Variants in GABPA observed in about 807,000 individuals in gnomAD.
GABPA encodes GA binding protein transcription factor subunit alpha, also known as GA-binding protein alpha chain.
Under a neutral mutation model 59.4 loss-of-function variants are expected in GABPA, and 4 were observed. The ratio of observed to expected loss-of-function variants is 0.07; its 90% CI spans 0.03 to 0.15. GABPA has a LOEUF of 0.15. GABPA is among the 10% of genes least tolerant of loss of function. GABPA has a pLI of 1.00. For synonymous variants in GABPA, 164 were observed against 183.1 expected (o/e 0.90, Z 0.84); for missense variants, 251 against 543.8 (o/e 0.46, Z 5.36).
intron 5 of GABPA, among the ~76,000 whole-genome samples, chr21:25,753,136 A>C (rs2035554508): frequency 6.6e-6 from 1 of 152,200 alleles, no homozygotes; most frequent in East Asian, 1.9e-4. Flanking sequence ...TGCTGGGCTT[A>C]ATTAAGATGG....
Position 25,758,072 on chromosome 21 carries a change from A to C in GABPA, c.616A>C (p.Ser206Arg), listed in dbSNP as rs1221479364. ...HWVVWVMKEF[S>R]MTDIDLTTLN... The stretch of plus-strand genomic sequence containing the variant: ...GGTGGTTTGGGTAATGAAGGAATTC[A>C]GCATGACCGATATAGACCTCACCAC... The change falls in exon 6 of 10, where the codon AGC (serine) becomes CGC (arginine). Residue 206 changes from serine to arginine, a missense_variant. This residue lies in a region of GABPA where 207 missense variants were observed against 366.7 expected (regional missense o/e 0.56). Transcript: ENST00000400075. 6.2e-7 allele frequency: 1 copy of C among 1,607,036 alleles called. No individual in the cohort carries two copies. The highest frequency in any genetic ancestry group is 8.5e-7 in the Non-Finnish European group (1 of 1,177,224).
chr21:25,759,029 C>T (rs71651619), intron 6 of GABPA, among the ~76,000 whole-genome samples: 2,769 of 152,052 alleles, frequency 0.018, 47 homozygotes, highest in South Asian at 0.041. Flanking sequence ...GAGACTGCGC[C>T]ACTACACTCC....
chr21:25,736,721 T>TG (rs1232207395), intron 1 of GABPA, among the ~76,000 whole-genome samples: 1 of 152,144 alleles, frequency 6.6e-6, no homozygotes, highest in African/African-American at 2.4e-5. Context: ...ACAGAAGAAT[T>TG]GGGGAAAAAA....
intron 1 of GABPA, among the ~76,000 whole-genome samples, chr21:25,741,248 C>G (rs1168688028): frequency 6.6e-6 from 1 of 152,114 alleles, no homozygotes; most frequent in Non-Finnish European, 1.5e-5. Flanking sequence ...CCACCTCAGC[C>G]TCCGAAGTAT....
In GABPA at chr21:25,745,195, A is replaced by G. The variant is rs1359307552; in HGVS notation, c.78-15A>G. Reference sequence around the variant, plus strand: ...AAAAAATGTAACTGTTAGCACTTACATCTTTAACATTTAGCATTGTAGAAC... The same window carrying G: ...AAAAAATGTAACTGTTAGCACTTACGTCTTTAACATTTAGCATTGTAGAAC... On this transcript the variant is annotated splice_polypyrimidine_tract_variant and intron_variant, in intron 2 of 9. Transcript: ENST00000400075. The G allele has an allele frequency of 2.5e-6, 4 of 1,611,224 alleles. No individual in the cohort carries two copies. The highest frequency in any genetic ancestry group is 1.7e-5 in the Admixed American group (1 of 59,498).
chr21:25,768,695 T>C (rs1374747523), intron 9 of GABPA, among the ~76,000 whole-genome samples: 1 of 151,606 alleles, frequency 6.6e-6, no homozygotes, highest in African/African-American at 2.4e-5. Flanking sequence ...TAGGCTCTTC[T>C]ACTGCTCTCA....
Position 25,764,070 on chromosome 21 carries a change from G to C in GABPA, c.803-140G>C, listed in dbSNP as rs182993358. 4.9e-6 allele frequency: 3 copies of C among 618,144 alleles called. No individual in the cohort carries two copies. The East Asian group carries it at 9.0e-5, about 18-fold the overall frequency. The allele number at this position is 618,144 out of a possible 1,614,324, so 38.3% of individuals were successfully genotyped here. On this transcript the variant is annotated intron_variant, in intron 7 of 9. Transcript: ENST00000400075. Reference sequence around the variant, plus strand: ...TTTTGTTATTTTGTTTGAAATTGTGGATTGAGGCTTTCTGTAGTGAAGTAC... The same window carrying C: ...TTTTGTTATTTTGTTTGAAATTGTGCATTGAGGCTTTCTGTAGTGAAGTAC...
intron 5 of GABPA, 115 bp downstream of exon 5, chr21:25,752,349 G>C: frequency 9.4e-7 from 1 of 1,068,466 alleles, no homozygotes; most frequent in Non-Finnish European, 1.3e-6. Context: ...GATGAATGTT[G>C]ATTTTCTGTA....
chr21:25,765,151 C>T (rs989669803), intron 9 of GABPA, among the ~76,000 whole-genome samples: 3 of 151,816 alleles, frequency 2.0e-5, no homozygotes, highest in African/African-American at 7.3e-5. Flanking sequence ...GAATATTGAC[C>T]CATTTTCTAC....
intron 1 of GABPA, among the ~76,000 whole-genome samples, chr21:25,738,465 T>A (rs968659578): frequency 6.6e-5 from 10 of 152,246 alleles, no homozygotes; most frequent in African/African-American, 2.4e-4. Flanking sequence ...CTTTCCATTC[T>A]GTAGCCTGTC....
intron 2 of GABPA, among the ~76,000 whole-genome samples, chr21:25,742,468 A>G (rs1275329999): frequency 6.6e-6 from 1 of 152,258 alleles, no homozygotes; most frequent in African/African-American, 2.4e-5. Flanking sequence ...TTGAGAGTAC[A>G]GTTGAGATTT....
intron 5 of GABPA, among the ~76,000 whole-genome samples, chr21:25,752,682 T>C (rs2035543663): frequency 6.6e-6 from 1 of 152,168 alleles, no homozygotes; most frequent in Non-Finnish European, 1.5e-5. Flanking sequence ...TGTGCAAAGC[T>C]TAGACCTGGG....
At chr21:25,746,969 A>G (rs1050980271) in intron 3 of GABPA, among the ~76,000 whole-genome samples, 2 of 152,236 alleles carry the variant, frequency 1.3e-5, no homozygotes, top group African/African-American at 2.4e-5. Flanking sequence ...CTATATGGGC[A>G]AGGTACGTTG....
At chr21:25,756,055 T>A (rs548877855) in intron 5 of GABPA, among the ~76,000 whole-genome samples, 30 of 152,350 alleles carry the variant, frequency 2.0e-4, no homozygotes, top group African/African-American at 7.2e-4. Context: ...ATTTTGCATC[T>A]TTTAAAAATT....
intron 5 of GABPA, among the ~76,000 whole-genome samples, chr21:25,752,704 G>A (rs540387760): frequency 4.2e-4 from 64 of 152,290 alleles, no homozygotes; most frequent in African/African-American, 1.4e-3. Context: ...GTATGCATGA[G>A]TAGTGAGAAA....
At chr21:25,762,228 A>T (rs555053547) in intron 6 of GABPA, 84 bp from the exon 7 acceptor site, 2 of 681,024 alleles carry the variant, frequency 2.9e-6, no homozygotes, top group African/African-American at 1.8e-5. Flanking sequence ...TAAAAGAACC[A>T]TGTTTATTAA....
chr21:25,763,150 C>G, intron 7 of GABPA: 3 of 505,010 alleles, frequency 5.9e-6, no homozygotes, highest in Non-Finnish European at 1.2e-5. Context: ...CCTCATGTTG[C>G]ATTTTCTCTT....
intron 5 of GABPA, among the ~76,000 whole-genome samples, chr21:25,752,607 GAA>G (rs1601130142): frequency 6.6e-6 from 1 of 152,162 alleles, no homozygotes; most frequent in Non-Finnish European, 1.5e-5. Flanking sequence ...AGGGAAAGCT[GAA>G]AAGAGTTTAT....
At chr21:25,741,700 T>G in intron 2 of GABPA, 25 bp downstream of exon 2, 2 of 1,532,868 alleles carry the variant, frequency 1.3e-6, no homozygotes, top group Non-Finnish European at 9.0e-7. Context: ...ATTTATCATT[T>G]TTTTTCAAAA....
Sources: allele counts gnomAD v4.1 joint callset (sites outside exome capture counted in the v4.1 genomes callset), GRCh38; gene constraint gnomAD v4.1.1; regional missense constraint gnomAD v4.1.1; transcripts MANE v1.5; gene names NCBI Gene and HGNC (gene_info 2026-07-23, HGNC 2026-07-21).